Variants in TMEM132C observed in about 807,000 individuals in gnomAD.
TMEM132C encodes protein phosphatase 1, regulatory subunit 152.
Under a neutral mutation model 61.4 loss-of-function variants are expected in TMEM132C, and 29 were observed. That is an observed-to-expected ratio of 0.47 (90% CI 0.35 to 0.64). TMEM132C has a LOEUF of 0.64. TMEM132C is among the 30% of genes least tolerant of loss of function. The pLI is 0.00. For synonymous variants in TMEM132C, 656 were observed against 633.1 expected, an observed-to-expected ratio of 1.04 and a Z score of -0.54; for missense variants, 1,408 against 1,476.9, an observed-to-expected ratio of 0.95 and a Z score of 0.76.
At chr12:128,433,640 C>G (rs1869473981) in intron 2 of TMEM132C, among the ~76,000 whole-genome samples, 1 of 152,146 alleles carries the variant, frequency 6.6e-6, no homozygotes, top group African/African-American at 2.4e-5. Flanking sequence ...CTTGGGAAAA[C>G]TTAAGTGTTG....
rs1346211579 is a variant in TMEM132C, at chr12:128,655,044, C to T, written c.1306-14373C>T. ...GAATTGTTAGTGTTGTCATCAGCAA[C>T]GCATTTTACTTTCGGCATCTCCTCA... On this transcript the variant is annotated intron_variant, in intron 4 of 8. Coordinates refer to ENST00000435159, the MANE Select transcript of TMEM132C (RefSeq NM_001136103.3). Among the ~76,000 whole-genome samples, 6 of 152,280 alleles carry T rather than the reference C, an allele frequency of 3.9e-5. 1 individual carries two copies. The South Asian group carries it at 6.2e-4, about 16-fold the overall frequency.
At chr12:128,428,830 CAT>C (rs1869285901) in intron 2 of TMEM132C, among the ~76,000 whole-genome samples, 3 of 152,186 alleles carry the variant, frequency 2.0e-5, no homozygotes, top group Admixed American at 2.0e-4. Context: ...TCAGTTTCTA[CAT>C]AGAGATGATA....
At chr12:128,557,322 A>G (rs765504649) in intron 3 of TMEM132C, among the ~76,000 whole-genome samples, 7 of 152,174 alleles carry the variant, frequency 4.6e-5, no homozygotes, top group Non-Finnish European at 8.8e-5. Flanking sequence ...CCCAGTCAAA[A>G]CTGAAAATGT....
At chr12:128,643,129 CTCTTTT>C (rs1954170311) in intron 4 of TMEM132C, among the ~76,000 whole-genome samples, 1 of 152,102 alleles carries the variant, frequency 6.6e-6, no homozygotes, top group African/African-American at 2.4e-5. Flanking sequence ...AGACAAGATC[CTCTTTT>C]TCTTTCCCCA....
At chr12:128,460,883 G>A (rs1310806978) in intron 2 of TMEM132C, among the ~76,000 whole-genome samples, 1 of 151,996 alleles carries the variant, frequency 6.6e-6, no homozygotes, top group Non-Finnish European at 1.5e-5. Context: ...ACCTTACCAA[G>A]AAAAAAAGGC....
chr12:128,459,832 C>T (rs1870472576), intron 2 of TMEM132C, among the ~76,000 whole-genome samples: 1 of 144,438 alleles, frequency 6.9e-6, no homozygotes, highest in Non-Finnish European at 1.5e-5. Context: ...TTGCAGTGAG[C>T]CGAGATTGTG....
At chr12:128,528,968 T>C (rs1873188323) in intron 2 of TMEM132C, among the ~76,000 whole-genome samples, 1 of 152,154 alleles carries the variant, frequency 6.6e-6, no homozygotes, top group Non-Finnish European at 1.5e-5. Context: ...AGGCTAAAAA[T>C]TCACTTTGCC....
chr12:128,513,022 CTGTT>C (rs376095134), intron 2 of TMEM132C, among the ~76,000 whole-genome samples: 21 of 152,184 alleles, frequency 1.4e-4, no homozygotes, highest in African/African-American at 5.1e-4. Flanking sequence ...GCACGTGACA[CTGTT>C]TGGATGGATG....
At chr12:128,655,802 C>T (rs751184988) in intron 4 of TMEM132C, among the ~76,000 whole-genome samples, 4 of 152,154 alleles carry the variant, frequency 2.6e-5, no homozygotes. Flanking sequence ...GGTACAAAAC[C>T]GGAATTTGTT....
intron 3 of TMEM132C, among the ~76,000 whole-genome samples, chr12:128,546,721 G>C (rs1454718415): frequency 6.6e-5 from 10 of 152,226 alleles, no homozygotes; most frequent in Admixed American, 3.9e-4. Flanking sequence ...ATTGGGTGGA[G>C]TCACCATGCC....
At chr12:128,631,461 A>G (rs1361957802) in intron 4 of TMEM132C, among the ~76,000 whole-genome samples, 1 of 152,096 alleles carries the variant, frequency 6.6e-6, no homozygotes, top group Non-Finnish European at 1.5e-5. Flanking sequence ...TTCACCCTTT[A>G]GTGTGGTTCT....
rs189322336 is a variant in TMEM132C, at chr12:128,570,506, A to G, written c.1121+26403A>G. Among the ~76,000 whole-genome samples, 2 of 151,926 alleles carry G rather than the reference A, an allele frequency of 1.3e-5. No individual in the cohort carries two copies. The highest frequency in any genetic ancestry group is 4.1e-4 in the South Asian group (2 of 4,826). ...CCTAATGGGTGTTTTTACTGATGCC[A>G]TGAACAGAAACTAGATTGCAGAGGC... On this transcript the variant is annotated intron_variant, in intron 3 of 8. Coordinates refer to ENST00000435159, the MANE Select transcript of TMEM132C (RefSeq NM_001136103.3). The surrounding 1 kb of genome is among the most constrained non-coding windows in gnomAD (Gnocchi z 4.7).
intron 4 of TMEM132C, among the ~76,000 whole-genome samples, chr12:128,639,598 T>C (rs563518902): frequency 8.3e-4 from 126 of 152,306 alleles, no homozygotes; most frequent in Non-Finnish European, 1.2e-3. Flanking sequence ...TTCTTTCCTT[T>C]CTTGTGTTCA....
At chr12:128,631,169 A>G (rs1304803335) in intron 4 of TMEM132C, among the ~76,000 whole-genome samples, 3 of 152,260 alleles carry the variant, frequency 2.0e-5, no homozygotes. Context: ...TTTTGGTCGT[A>G]ATGGTCTGTG....
chr12:128,443,078 A>G (rs1018985399), intron 2 of TMEM132C, among the ~76,000 whole-genome samples: 1 of 152,134 alleles, frequency 6.6e-6, no homozygotes, highest in African/African-American at 2.4e-5. Flanking sequence ...TTACTTTCAA[A>G]TGGCTCATTA....
intron 3 of TMEM132C, 108 bp downstream of exon 3, chr12:128,544,211 G>A: frequency 3.6e-6 from 5 of 1,380,120 alleles, no homozygotes; most frequent in South Asian, 1.6e-5. Flanking sequence ...GCTCAGAGGA[G>A]CTATTGAACC....
intron 1 of TMEM132C, among the ~76,000 whole-genome samples, chr12:128,307,098 T>C (rs1385980324): frequency 6.6e-6 from 1 of 152,094 alleles, no homozygotes; most frequent in African/African-American, 2.4e-5. Context: ...TCTGAGTCTT[T>C]GGCAAGAGTT....
chr12:128,704,048 C>T (rs186224101), intron 8 of TMEM132C, among the ~76,000 whole-genome samples: 124 of 152,208 alleles, frequency 8.1e-4, no homozygotes, highest in Admixed American at 2.8e-3. Flanking sequence ...GGGGAGGAGG[C>T]GAGACAGCAG....
intron 1 of TMEM132C, among the ~76,000 whole-genome samples, chr12:128,309,551 C>G (rs1871902582): frequency 1.3e-5 from 2 of 152,110 alleles, no homozygotes; most frequent in East Asian, 1.9e-4. Flanking sequence ...CCGTTTTCCT[C>G]CAGCCCCTGG....
Sources: allele counts gnomAD v4.1 joint callset (sites outside exome capture counted in the v4.1 genomes callset), GRCh38; gene constraint gnomAD v4.1.1; non-coding constraint Gnocchi (gnomAD v3.1); transcripts MANE v1.5; gene names NCBI Gene and HGNC (gene_info 2026-07-23, HGNC 2026-07-21).